Variants in ESRRG observed in about 807,000 individuals in gnomAD.
ESRRG encodes the protein estrogen related receptor gamma, also known as estrogen-related receptor gamma.
ESRRG carries 13 observed loss-of-function variants against 44.0 expected under a neutral mutation model. That is an observed-to-expected ratio of 0.30 (90% CI 0.19 to 0.47). The LOEUF (loss-of-function observed/expected upper bound fraction) is 0.47. Ranked by LOEUF, ESRRG falls within the 20% of genes least tolerant of loss-of-function variation. The pLI, the probability that ESRRG is intolerant of heterozygous loss-of-function variation, is 1.00. For missense variants in ESRRG, 395 were observed against 580.6 expected, an observed-to-expected ratio of 0.68 and a Z score of 3.29; for synonymous variants, 215 against 214.6, an observed-to-expected ratio of 1.00 and a Z score of -0.02.
chr1:216,986,359 T>C (rs1257283585), intron 1 of ESRRG, among the ~76,000 whole-genome samples: 1 of 144,852 alleles, frequency 6.9e-6, no homozygotes, highest in South Asian at 2.1e-4. Flanking sequence ...AGAATGCAGA[T>C]TCAGAAATTG....
chr1:216,963,553 G>T (rs562049150), intron 1 of ESRRG, among the ~76,000 whole-genome samples: 1 of 152,268 alleles, frequency 6.6e-6, no homozygotes, highest in South Asian at 2.1e-4. Flanking sequence ...TCTCGTACAA[G>T]TTGAATGAAG....
chr1:216,759,441 C>T (rs1303166503), intron 2 of ESRRG, among the ~76,000 whole-genome samples: 1 of 152,124 alleles, frequency 6.6e-6, no homozygotes, highest in African/African-American at 2.4e-5. Flanking sequence ...CCACCCACCA[C>T]ATGGTTTTCC....
chr1:216,808,196 C>T (rs371334243), intron 2 of ESRRG, among the ~76,000 whole-genome samples: 2 of 151,978 alleles, frequency 1.3e-5, no homozygotes, highest in African/African-American at 2.4e-5. Flanking sequence ...TTTTTGGATT[C>T]GTGCTGATAA....
At chr1:217,133,166 G>C (rs935712605) in intron 1 of ESRRG, among the ~76,000 whole-genome samples, 4 of 152,236 alleles carry the variant, frequency 2.6e-5, no homozygotes, top group Admixed American at 2.0e-4. Flanking sequence ...CAGCATTGCC[G>C]CATAGAGAGC....
intron 6 of ESRRG, among the ~76,000 whole-genome samples, chr1:216,512,757 T>C (rs960601828): frequency 6.6e-6 from 1 of 152,128 alleles, no homozygotes; most frequent in Non-Finnish European, 1.5e-5. Flanking sequence ...TTACCTGCTA[T>C]GGCAAAATGA....
intron 1 of ESRRG, among the ~76,000 whole-genome samples, chr1:216,698,488 C>T (rs1011051376): frequency 7.3e-6 from 1 of 137,588 alleles, no homozygotes; most frequent in African/African-American, 2.7e-5. Context: ...CACTGCACTC[C>T]AGCCTGGGCG....
chr1:216,662,454 C>T (rs528267745), intron 2 of ESRRG, among the ~76,000 whole-genome samples: 46 of 152,144 alleles, frequency 3.0e-4, no homozygotes, highest in African/African-American at 1.0e-3. Flanking sequence ...GAGAGAAAGG[C>T]GAGGAAAGCC....
intron 2 of ESRRG, among the ~76,000 whole-genome samples, chr1:216,802,702 A>G (rs2094661859): frequency 2.0e-5 from 3 of 152,246 alleles, no homozygotes; most frequent in African/African-American, 7.2e-5. Flanking sequence ...GTTTATGCCC[A>G]TCCTTTACTA....
At chr1:216,908,831 G>GAAA (rs5780943) in intron 2 of ESRRG, among the ~76,000 whole-genome samples, 3 of 143,562 alleles carry the variant, frequency 2.1e-5, no homozygotes, top group Non-Finnish European at 3.0e-5. Context: ...CACACTCCTA[G>GAAA]AAAAAAAAAA....
At chr1:216,821,717 T>A (rs867699614) in intron 2 of ESRRG, among the ~76,000 whole-genome samples, 1,479 of 113,924 alleles carry the variant, frequency 0.013, 50 homozygotes, top group South Asian at 0.021. Flanking sequence ...AATAAATAAA[T>A]AAATAAATAA....
intron 3 of ESRRG, among the ~76,000 whole-genome samples, chr1:216,610,573 C>T (rs556450864): frequency 1.3e-5 from 2 of 152,152 alleles, no homozygotes; most frequent in African/African-American, 2.4e-5. Context: ...ATTCCTCTCC[C>T]CTAGCTCTGC....
intron 2 of ESRRG, among the ~76,000 whole-genome samples, chr1:216,886,810 G>A (rs2096524058): frequency 6.6e-6 from 1 of 152,158 alleles, no homozygotes; most frequent in African/African-American, 2.4e-5. Context: ...TGCAGCCTTG[G>A]CCTCCTGGGC....
At chr1:216,587,523 GA>G (rs2056877183) in intron 3 of ESRRG, among the ~76,000 whole-genome samples, 1 of 151,976 alleles carries the variant, frequency 6.6e-6, no homozygotes, top group East Asian at 1.9e-4. Flanking sequence ...TTCTTATTAA[GA>G]AACATGAATA....
At chr1:216,849,636 A>G (rs2095810978) in intron 2 of ESRRG, among the ~76,000 whole-genome samples, 1 of 152,130 alleles carries the variant, frequency 6.6e-6, no homozygotes, top group South Asian at 2.1e-4. Flanking sequence ...GGCTACTGGG[A>G]ACAATCTGCT....
intron 1 of ESRRG, among the ~76,000 whole-genome samples, chr1:217,082,073 T>G (rs4846814): frequency 0.96 from 145,706 of 152,298 alleles, 70,019 homozygotes; most frequent in East Asian, 1. Flanking sequence ...TACCATCTTC[T>G]ATGTCCAGCT....
At chr1:216,734,887 C>T (rs1392887350) in intron 2 of ESRRG, among the ~76,000 whole-genome samples, 1 of 148,218 alleles carries the variant, frequency 6.7e-6, no homozygotes, top group Non-Finnish European at 1.5e-5. Flanking sequence ...AAGTTGGCTA[C>T]TACATAGTTC....
chr1:217,045,129 A>T (rs2084627704), intron 1 of ESRRG, among the ~76,000 whole-genome samples: 1 of 152,222 alleles, frequency 6.6e-6, no homozygotes. Context: ...ATATTTTTTT[A>T]AATGAGCATT....
chr1:216,973,128 T>C (rs1337150406), intron 1 of ESRRG, among the ~76,000 whole-genome samples: 4 of 152,142 alleles, frequency 2.6e-5, no homozygotes, highest in Admixed American at 2.6e-4. Flanking sequence ...CTTGTCGGTC[T>C]ATTTTCTAAA....
intron 1 of ESRRG, among the ~76,000 whole-genome samples, chr1:216,982,933 T>C (rs1317692483): frequency 6.6e-6 from 1 of 151,986 alleles, no homozygotes; most frequent in Non-Finnish European, 1.5e-5. Context: ...AGTCATCAGA[T>C]AATTATATCT....
Sources: allele counts gnomAD v4.1 joint callset (sites outside exome capture counted in the v4.1 genomes callset), GRCh38; gene constraint gnomAD v4.1.1; transcripts MANE v1.5; gene names NCBI Gene and HGNC (gene_info 2026-07-23, HGNC 2026-07-21).